The following BTK variants were observed in gnomAD, a reference collection of about 807,000 sequenced individuals.
BTK encodes the protein Bruton tyrosine kinase.
A neutral mutation model predicts 57.4 loss-of-function variants in BTK; 5 were observed. The ratio of observed to expected loss-of-function variants is 0.09; its 90% CI spans 0.05 to 0.18. BTK has a LOEUF of 0.18. Among genes scored for constraint, BTK ranks in the 10% least tolerant of loss-of-function variants. BTK has a pLI of 1.00. For missense variants in BTK, 194 were observed against 501.2 expected (o/e 0.39, Z 5.85); for synonymous variants, 154 against 174.3 (o/e 0.88, Z 0.92).
At chrX:101,355,877 G>C in intron 15 of BTK, 175 bp downstream of exon 15, 1 of 520,793 alleles carries the variant, frequency 1.9e-6, no homozygotes. Context: ...AGCTGAGGCT[G>C]GAGATATTTG....
chrX:101,354,853 T>G (rs1453190307), intron 15 of BTK, among the ~76,000 whole-genome samples, 159 bp from the exon 16 acceptor site: 1 of 111,861 alleles, frequency 8.9e-6, no homozygotes, highest in African/African-American at 3.2e-5. Context: ...CACCAAGAAA[T>G]TTTGATTCAT....
upstream of BTK, among the ~76,000 whole-genome samples, chrX:101,386,609 C>T (rs1329418773): frequency 9.9e-5 from 11 of 110,625 alleles, no homozygotes; most frequent in African/African-American, 3.6e-4. Flanking sequence ...GTCTCCTGTC[C>T]TCCGGGGCAG....
chrX:101,351,772 A>T (rs782642607), intron 18 of BTK, among the ~76,000 whole-genome samples: 18 of 111,615 alleles, frequency 1.6e-4, no homozygotes, highest in East Asian at 1.1e-3. Flanking sequence ...ACCTACCCAC[A>T]TACCCCACGA....
chrX:101,390,718 G>GGACT, upstream of BTK: 1 of 459,302 alleles, frequency 2.2e-6, no homozygotes, highest in Non-Finnish European at 3.8e-6. Context: ...GGGGAGGCCA[G>GGACT]AGGATCTGGG....
chrX:101,358,745 C>T, intron 10 of BTK, 49 bp from the exon 11 acceptor site: 1 of 1,028,414 alleles, frequency 9.7e-7, no homozygotes. Flanking sequence ...GGTGCTCACA[C>T]CTGCATCCCA....
chrX:101,377,896 G>C (rs1373095553), intron 1 of BTK: 6 of 111,259 alleles, frequency 5.4e-5, no homozygotes, highest in African/African-American at 2.0e-4. Context: ...TTATGATCCA[G>C]TCCAGACTCA....
At chrX:101,387,586 A>C (rs187284692), upstream of BTK, among the ~76,000 whole-genome samples, 15 of 109,663 alleles carry the variant, frequency 1.4e-4, no homozygotes, top group African/African-American at 5.0e-4. Context: ...TCCTGGGCTC[A>C]AGCGATACTC....
At chrX:101,381,588 T>C (rs1364840393) in intron 1 of BTK, among the ~76,000 whole-genome samples, 1 of 109,823 alleles carries the variant, frequency 9.1e-6, no homozygotes, top group Non-Finnish European at 1.9e-5. Flanking sequence ...TCAAGACCCC[T>C]TTATGTACTC....
At chrX:101,380,762 C>A (rs954838871) in intron 1 of BTK, among the ~76,000 whole-genome samples, 1 of 110,164 alleles carries the variant, frequency 9.1e-6, no homozygotes, top group East Asian at 2.8e-4. Flanking sequence ...CCTGTAATCC[C>A]AGCACTTTGG....
intron 15 of BTK, among the ~76,000 whole-genome samples, chrX:101,355,237 A>G: frequency 8.9e-6 from 1 of 112,699 alleles, no homozygotes; most frequent in Admixed American, 9.4e-5. Context: ...AGATGGTGCC[A>G]TTGCACTCTA....
intron 2 of BTK, 56 bp downstream of exon 2, chrX:101,375,088 T>C: frequency 1.7e-6 from 2 of 1,202,804 alleles, no homozygotes; most frequent in South Asian, 3.5e-5. Context: ...CCAAGAAAGA[T>C]CTAAGGCCAA....
intron 18 of BTK, 133 bp from the exon 19 acceptor site, chrX:101,350,089 G>GAAAAAA (rs199950200): frequency 4.1e-6 from 1 of 243,712 alleles, no homozygotes; most frequent in Non-Finnish European, 7.1e-6. Context: ...ATTACAAAAG[G>GAAAAAA]AAAAAAAAAA....
chrX:101,389,919 G>A (rs1328426748), upstream of BTK, among the ~76,000 whole-genome samples: 1 of 111,575 alleles, frequency 9.0e-6, no homozygotes, highest in Non-Finnish European at 1.9e-5. Flanking sequence ...TATGTAAGGT[G>A]GTTAGGAGAA....
intron 5 of BTK, among the ~76,000 whole-genome samples, chrX:101,365,176 A>T (rs1393713742): frequency 9.0e-6 from 1 of 111,388 alleles, no homozygotes; most frequent in South Asian, 3.7e-4. Context: ...CTCCTACCAC[A>T]TCCACACTCT....
chrX:101,377,899 C>T (rs1280292208), intron 1 of BTK: 1 of 111,268 alleles, frequency 9.0e-6, no homozygotes, highest in African/African-American at 3.3e-5. Context: ...TGATCCAGTC[C>T]AGACTCACAC....
intron 3 of BTK, among the ~76,000 whole-genome samples, chrX:101,373,663 A>G (rs782414865): frequency 4.4e-5 from 5 of 112,518 alleles, no homozygotes; most frequent in Non-Finnish European, 7.5e-5. Context: ...TAACAGGATT[A>G]TGCATCATTT....
At chrX:101,369,870 C>A in intron 5 of BTK, 128 bp downstream of exon 5, 4 of 558,196 alleles carry the variant, frequency 7.2e-6, no homozygotes, top group East Asian at 4.5e-5. Flanking sequence ...TTCTTCTTTT[C>A]TCTCTACGTT....
chrX:101,371,732 G>A, intron 3 of BTK, 31 bp from the exon 4 acceptor site: 3 of 1,104,418 alleles, frequency 2.7e-6, no homozygotes, highest in Non-Finnish European at 3.8e-6. Context: ...ATGGTTATTG[G>A]TTGATGCATT....
chrX:101,380,076 T>C (rs185020964), intron 1 of BTK, among the ~76,000 whole-genome samples: 23 of 111,686 alleles, frequency 2.1e-4, no homozygotes, highest in Non-Finnish European at 1.9e-4. Flanking sequence ...GGGTTCTTAT[T>C]GCTTACTGTG....
Sources: allele counts gnomAD v4.1 joint callset (sites outside exome capture counted in the v4.1 genomes callset), GRCh38; gene constraint gnomAD v4.1.1; transcripts MANE v1.5; gene names NCBI Gene and HGNC (gene_info 2026-07-23, HGNC 2026-07-21).